ISYNA1: variants seen among roughly 807,000 people sequenced by gnomAD.
ISYNA1 encodes the protein inositol-3-phosphate synthase 1, also known as MI-1-P synthase.
Under a neutral mutation model 50.3 loss-of-function variants are expected in ISYNA1, and 34 were observed. The observed-to-expected ratio is 0.68, with a 90% CI of 0.51 to 0.90. The LOEUF (loss-of-function observed/expected upper bound fraction) is 0.90, where lower values mean the gene tolerates loss of function less well. Ranked by LOEUF, ISYNA1 falls within the 40% of genes least tolerant of loss-of-function variation. ISYNA1 has a pLI of 0.00. For synonymous variants in ISYNA1, 396 were observed against 349.9 expected (o/e 1.13, Z -1.47); for missense variants, 718 against 784.8 (o/e 0.91, Z 1.02).
Position 18,437,052 on chromosome 19 carries a change from C to T in ISYNA1, c.336G>A (p.Leu112=). 1 of 1,600,608 alleles carries T rather than the reference C, an allele frequency of 6.2e-7. No homozygotes were observed. The highest frequency in any genetic ancestry group is 8.5e-7 in the Non-Finnish European group (1 of 1,175,690). The change falls in exon 4 of 11, where the codon CTG becomes CTA. Residue 112 remains leucine, a synonymous_variant. Coordinates refer to ENST00000338128, the MANE Select transcript of ISYNA1 (RefSeq NM_016368.5). ...LTQAGTVSLG[L]DAEGQEVFVP... is the part of the protein sequence containing the mutation. The stretch of plus-strand genomic sequence containing the variant: ...CGAACACCTCCTGGCCCTCGGCGTC[C>T]AGGCCCAGGCTCACGGTGCCCGCCT...
chr19:18,435,659 C>T lies in ISYNA1; in HGVS notation c.1158G>A (p.Val386=). The T allele has an allele frequency of 6.2e-7, 1 of 1,612,046 alleles. No individual in the cohort carries two copies. Among genetic ancestry groups the T allele is most frequent in the Non-Finnish European group, 8.5e-7 (1 of 1,179,382 alleles). ...EPDHCVVIKY[V]PYVGDSKRAL... ...CGCGCTTGCTGTCACCCACGTACGGCACATACTTGATGACCACCTGGAGTG... is the reference window on the plus strand; with the variant it reads ...CGCGCTTGCTGTCACCCACGTACGGTACATACTTGATGACCACCTGGAGTG... The change falls in exon 9 of 11, where the codon GTG becomes GTA. Residue 386 remains valine (V), a synonymous_variant. Transcript: ENST00000338128.
Position 18,436,376 on chromosome 19 carries a change from A to G in ISYNA1, c.713T>C (p.Ile238Thr), listed in dbSNP as rs966301938. Reference protein sequence around the residue: ...TANTERFCEVIPGLNDTAENL... With the variant: ...TANTERFCEVTPGLNDTAENL... The stretch of plus-strand genomic sequence containing the variant: ...CTCGGCTGTGTCGTTGAGGCCTGGA[A>G]TCACCTCACAGAAGCGCTCCGTGTT... The change falls in exon 6 of 11, where the codon ATT (isoleucine) becomes ACT (threonine). Residue 238 changes from isoleucine to threonine, a missense_variant. Transcript: ENST00000338128. 8.1e-6 allele frequency: 13 copies of G among 1,612,460 alleles called. No homozygotes were observed. Among genetic ancestry groups the G allele is most frequent in the Non-Finnish European group, 1.1e-5 (13 of 1,179,908 alleles).
Position 18,434,603 on chromosome 19 carries a change from T to A in ISYNA1, c.*310A>T, listed in dbSNP as rs1973865489. 1 of 531,752 alleles carries A rather than the reference T, an allele frequency of 1.9e-6. No individual in the cohort carries two copies. 32.9% of individuals were successfully genotyped at this position (531,752 alleles called of 1,614,324 possible). On this transcript the variant is annotated 3_prime_UTR_variant, in exon 11 of 11. Coordinates refer to ENST00000338128, the MANE Select transcript of ISYNA1 (RefSeq NM_016368.5). ...CCTCTTTGGCCTTCTGCCACCACAC[T>A]CTCCACCCTGTGGTCTTGTTCCGTC...
chr19:18,437,821 T>G, intron 2 of ISYNA1, 39 bp downstream of exon 2: 1 of 1,607,780 alleles, frequency 6.2e-7, no homozygotes, highest in Non-Finnish European at 8.5e-7. Flanking sequence ...GCCGCCCCGC[T>G]CTCCCCAGCA....
chr19:18,434,501 C>T lies in ISYNA1; in HGVS notation c.*412G>A, dbSNP rs1236991590. 8 of 675,534 alleles carry T rather than the reference C, an allele frequency of 1.2e-5. No homozygotes were observed. The highest frequency in any genetic ancestry group is 1.1e-4 in the African/African-American group (6 of 54,062). 41.8% of individuals were successfully genotyped at this position (675,534 alleles called of 1,614,324 possible). ...GAGAAAGGCTCTTTGGGGGGCCCCT[C>T]TCCCCAGGACGTCAGGGGGTGGGGC... On this transcript the variant is annotated 3_prime_UTR_variant, in exon 11 of 11. Coordinates refer to ENST00000338128, the MANE Select transcript of ISYNA1 (RefSeq NM_016368.5).
rs370121206 is a variant in ISYNA1, at chr19:18,435,854, T to C, written c.1043A>G (p.Gln348Arg). The change falls in exon 8 of 11, where the codon CAG (glutamine) becomes CGG (arginine). Residue 348 changes from glutamine to arginine, a missense_variant. Coordinates refer to ENST00000338128, the MANE Select transcript of ISYNA1 (RefSeq NM_016368.5). The part of the protein sequence containing the change: ...NDGENLSAPL[Q>R]FRSKEVSKSN... ...CTTGGACACCTCCTTAGAGCGGAAC[T>C]GCAATGGCGCCGATAGGTTCTCCCC... 15 of 1,613,918 alleles carry C rather than the reference T, an allele frequency of 9.3e-6. No homozygotes were observed. Among genetic ancestry groups the C allele is most frequent in the Non-Finnish European group, 1.3e-5 (15 of 1,179,962 alleles).
rs1448639066 is a variant in ISYNA1 at position 18,436,054 on chromosome 19, A to T, written c.953T>A (p.Phe318Tyr). The part of the protein sequence containing the change: ...QTKVKSVLVD[F>Y]LIGSGLKTMS... ...CACCTTGAGGCCGGAGCCAATGAGG[A>T]AGTCCACAAGCACGGACTTGACTTT... The change falls in exon 7 of 11, where the codon TTC becomes TAC. Residue 318 changes from phenylalanine to tyrosine, a missense_variant. Physicochemically the swap from Phe to Tyr is conservative, Grantham distance 22. Around this residue, in one of 3 missense-constraint regions of ISYNA1, gnomAD observed 403 missense variants for 466.6 expected, o/e 0.86. Coordinates refer to ENST00000338128, the MANE Select transcript of ISYNA1 (RefSeq NM_016368.5). 6.2e-7 allele frequency: 1 copy of T among 1,613,414 alleles called. No individual in the cohort carries two copies. The highest frequency in any genetic ancestry group is 1.7e-5 in the Admixed American group (1 of 60,024).
Position 18,437,974 on chromosome 19 carries a change from C to T in ISYNA1, c.6G>A (p.Glu2=). 1 of 1,577,070 alleles carries T rather than the reference C, an allele frequency of 6.3e-7. No individual in the cohort carries two copies. The highest frequency in any genetic ancestry group is 8.6e-7 in the Non-Finnish European group (1 of 1,163,408). ...TCTCGACGAAGAACTGGGCGGCGGC[C>T]TCCATCGCGGCGGGCTGGGGGCCCG... M[E]AAAQFFVESP... Residue 2 remains glutamate, a synonymous_variant, in exon 2 of 11, where the codon GAG becomes GAA. Transcript: ENST00000338128.
chr19:18,438,041 C>T, intron 1 of ISYNA1, 52 bp downstream of exon 1: 1 of 1,493,758 alleles, frequency 6.7e-7, no homozygotes, highest in Non-Finnish European at 8.9e-7. Flanking sequence ...CGGCCGGGGC[C>T]AAGCCAGCCT....
intron 2 of ISYNA1, 35 bp downstream of exon 2, chr19:18,437,825 C>G (rs1256354678): frequency 6.2e-7 from 1 of 1,609,934 alleles, no homozygotes; most frequent in Non-Finnish European, 8.5e-7. Context: ...CCCCGCTCTC[C>G]CCAGCACGCC....
chr19:18,435,714 C>T (rs753681814), intron 8 of ISYNA1, 38 bp from the exon 9 acceptor site: 1 of 1,611,022 alleles, frequency 6.2e-7, no homozygotes, highest in Non-Finnish European at 8.5e-7. Context: ...TCCCTGCCAC[C>T]CCTCGCCGGG....
At position 18,437,067 on chromosome 19, in the gene ISYNA1, G is replaced by A. The variant is rs760122823; in HGVS notation, c.321C>T (p.Thr107=). 9 of 1,583,684 alleles carry A rather than the reference G, an allele frequency of 5.7e-6. No individual in the cohort carries two copies. The highest frequency in any genetic ancestry group is 2.7e-5 in the African/African-American group (2 of 74,224). The change falls in exon 4 of 11, where the codon ACC becomes ACT. Residue 107 remains threonine (T), a synonymous_variant. Transcript: ENST00000338128. ...CCTCGGCGTCCAGGCCCAGGCTCAC[G>A]GTGCCCGCCTGAGTCAGCGAGCCGT... ...NYYGSLTQAG[T]VSLGLDAEGQ...
At position 18,437,941 on chromosome 19, in the gene ISYNA1, G is replaced by A; in HGVS notation, c.39C>T (p.Asp13=). ...AAAQFFVESP[D]VVYGPEAIEA... Reference sequence around the variant, plus strand: ...CGATGGCCTCGGGGCCGTAGACCACGTCCGGGCTCTCGACGAAGAACTGGG... The same window carrying A: ...CGATGGCCTCGGGGCCGTAGACCACATCCGGGCTCTCGACGAAGAACTGGG... Residue 13 remains aspartate (D), a synonymous_variant, in exon 2 of 11, where the codon GAC becomes GAT. Coordinates refer to ENST00000338128, the MANE Select transcript of ISYNA1 (RefSeq NM_016368.5). 1 of 1,606,716 alleles carries A rather than the reference G, an allele frequency of 6.2e-7. No individual in the cohort carries two copies. Among genetic ancestry groups the A allele is most frequent in the South Asian group, 1.1e-5 (1 of 90,106 alleles).
rs760785961 is a variant in ISYNA1 at position 18,437,776 on chromosome 19, G to A, written c.121-16C>T. 2.8e-5 allele frequency: 45 copies of A among 1,592,472 alleles called. No individual in the cohort carries two copies. Among genetic ancestry groups the A allele is most frequent in the Non-Finnish European group, 3.8e-5 (44 of 1,172,040 alleles). The stretch of plus-strand genomic sequence containing the variant: ...TGGGGTGCACCTGAAGACAGGCCGC[G>A]CAGTGAATCCCGGGTCCCGTGCCCT... On this transcript the variant is annotated splice_polypyrimidine_tract_variant and intron_variant, in intron 2 of 10. Transcript: ENST00000338128.
rs1240259945 is a variant in ISYNA1, at chr19:18,434,476, G to C, written c.*437C>G. 1.1e-6 allele frequency: 1 copy of C among 893,782 alleles called. No homozygotes were observed. The highest frequency in any genetic ancestry group is 1.6e-6 in the Non-Finnish European group (1 of 640,882). The allele number at this position is 893,782 out of a possible 1,614,324, so 55.4% of individuals were successfully genotyped here. Reference sequence around the variant, plus strand: ...CCTGCCATTTGTATTTTGTCCCAGAGAGAAAGGCTCTTTGGGGGGCCCCTC... The same window carrying C: ...CCTGCCATTTGTATTTTGTCCCAGACAGAAAGGCTCTTTGGGGGGCCCCTC... On this transcript the variant is annotated 3_prime_UTR_variant, in exon 11 of 11. Coordinates refer to ENST00000338128, the MANE Select transcript of ISYNA1 (RefSeq NM_016368.5).
At position 18,437,042 on chromosome 19, in the gene ISYNA1, C is replaced by T; in HGVS notation, c.346G>A (p.Gly116Ser). 6.2e-7 allele frequency: 1 copy of T among 1,607,486 alleles called. No homozygotes were observed. The highest frequency in any genetic ancestry group is 8.5e-7 in the Non-Finnish European group (1 of 1,178,490). Residue 116 changes from glycine to serine, a missense_variant, in exon 4 of 11, where the codon GGC (glycine) becomes AGC (serine). Transcript: ENST00000338128. Reference sequence around the variant, plus strand: ...CTGAAGGGTACGAACACCTCCTGGCCCTCGGCGTCCAGGCCCAGGCTCACG... The same window carrying T: ...CTGAAGGGTACGAACACCTCCTGGCTCTCGGCGTCCAGGCCCAGGCTCACG... Reference protein sequence around the residue: ...GTVSLGLDAEGQEVFVPFSAV... With the variant: ...GTVSLGLDAESQEVFVPFSAV...
At chr19:18,437,376 C>T in intron 3 of ISYNA1, 1 of 1,239,794 alleles carries the variant, frequency 8.1e-7, no homozygotes, top group Non-Finnish European at 1.1e-6. Context: ...CCGCCCCCTG[C>T]AAGCCCTCCC....
Position 18,436,439 on chromosome 19 carries a change from C to A in ISYNA1, c.650G>T (p.Ser217Ile). 1 of 1,609,296 alleles carries A rather than the reference C, an allele frequency of 6.2e-7. No individual in the cohort carries two copies. Among genetic ancestry groups the A allele is most frequent in the Non-Finnish European group, 8.5e-7 (1 of 1,179,854 alleles). ...IRRDIRDFRS[S>I]AGLDKVIVLW... is the part of the protein sequence containing the mutation. ...CACTATGACTTTGTCCAGCCCCGCG[C>A]TAGACCGGAAGTCTCGGATGTCCCT... Residue 217 changes from serine (S) to isoleucine (I), a missense_variant, in exon 6 of 11, where the codon AGC (serine) becomes ATC (isoleucine). Ser to Ile is a moderately radical substitution (Grantham distance 142). Transcript: ENST00000338128.
Position 18,434,611 on chromosome 19 carries a change from C to T in ISYNA1, c.*302G>A, listed in dbSNP as rs8101126. ...GCCTTCTGCCACCACACTCTCCACC[C>T]TGTGGTCTTGTTCCGTCCCCGCCCC... On this transcript the variant is annotated 3_prime_UTR_variant, in exon 11 of 11. Coordinates refer to ENST00000338128, the MANE Select transcript of ISYNA1 (RefSeq NM_016368.5). The T allele has an allele frequency of 9.0e-4, 491 of 547,082 alleles. 1 individual carries two copies. Among genetic ancestry groups the T allele is most frequent in the African/African-American group, 8.0e-3 (423 of 52,978 alleles). 33.9% of individuals were successfully genotyped at this position (547,082 alleles called of 1,614,324 possible). A position where few individuals can be genotyped will look rare whatever the true frequency, so the allele number is the denominator to read the frequency against.
Sources: gnomAD v4.1 joint callset for allele counts on GRCh38, gnomAD v4.1.1 for gene constraint, gnomAD v4.1.1 regional missense constraint, MANE v1.5 for transcripts, NCBI Gene and HGNC (gene_info 2026-07-23, HGNC 2026-07-21) for gene names.